The following ADGRV1 variants were observed in gnomAD, a reference collection of about 807,000 sequenced individuals.
The protein encoded by ADGRV1 is G-protein coupled receptor 98.
ADGRV1 carries 359 observed loss-of-function variants against 596.2 expected under a neutral mutation model. The observed-to-expected ratio is 0.60, with a 90% CI of 0.55 to 0.66. ADGRV1 has a LOEUF of 0.66. Among genes scored for constraint, ADGRV1 ranks in the 30% least tolerant of loss-of-function variants. The probability of loss-of-function intolerance (pLI) is 0.00; values close to 1 mark genes in which losing one functional copy is unlikely to be tolerated. For missense variants in ADGRV1, 7,274 were observed against 7,575.6 expected (o/e 0.96, Z 1.48); for synonymous variants, 2,681 against 2,679.2 (o/e 1.00, Z -0.02).
intron 1 of ADGRV1, among the ~76,000 whole-genome samples, chr5:90,610,817 G>A (rs1762645406): frequency 1.3e-5 from 2 of 151,954 alleles, no homozygotes; most frequent in Non-Finnish European, 2.9e-5. Flanking sequence ...AAAACTCTAG[G>A]ATAAAGCTGG....
In ADGRV1 at chr5:90,951,163, C is replaced by T. The variant is rs544299513; in HGVS notation, c.17857-14252C>T. Among the ~76,000 whole-genome samples, 20 of 151,314 alleles carry T rather than the reference C, an allele frequency of 1.3e-4. No homozygotes were observed. In the South Asian group the frequency reaches 3.3e-3, roughly 25 times the overall value. On this transcript the variant is annotated intron_variant, in intron 83 of 89. Coordinates refer to ENST00000405460, the MANE Select transcript of ADGRV1 (RefSeq NM_032119.4). ...GAAACATTTCATTGCTCTGTAATGT[C>T]GTCCGTATAGCCCACCTCAGTGCTA...
intron 86 of ADGRV1, among the ~76,000 whole-genome samples, chr5:91,081,878 G>C (rs944222942): frequency 3.3e-5 from 5 of 152,174 alleles, no homozygotes; most frequent in African/African-American, 1.2e-4. Context: ...TACTTAACTA[G>C]TGCTGCCACC....
At chr5:90,781,109 G>T (rs971887275) in intron 64 of ADGRV1, 5 of 369,744 alleles carry the variant, frequency 1.4e-5, no homozygotes, top group Middle Eastern at 8.9e-4. Context: ...ATTCAGCCGT[G>T]ATTCCCAAAG....
chr5:90,561,361 C>T lies in ADGRV1; in HGVS notation c.22+2444C>T, dbSNP rs538326642. Among the ~76,000 whole-genome samples the T allele has an allele frequency of 1.0e-3, 154 of 152,220 alleles. 1 individual carries two copies. Among genetic ancestry groups the T allele is most frequent in the Non-Finnish European group, 1.8e-3 (119 of 67,982 alleles). ...AAAGAGACCTAGAACAGTTAAGAGACGCACTTAAGGCCACATATTTTAGTC... is the reference window on the plus strand; with the variant it reads ...AAAGAGACCTAGAACAGTTAAGAGATGCACTTAAGGCCACATATTTTAGTC... On this transcript the variant is annotated intron_variant, in intron 1 of 89. Coordinates refer to ENST00000405460, the MANE Select transcript of ADGRV1 (RefSeq NM_032119.4).
chr5:90,701,617 TATC>T (rs1192787837), intron 34 of ADGRV1, among the ~76,000 whole-genome samples: 3 of 152,022 alleles, frequency 2.0e-5, no homozygotes, highest in Admixed American at 6.6e-5. Flanking sequence ...TGTGTGTGTG[TATC>T]ATACTTCAAA....
intron 11 of ADGRV1, among the ~76,000 whole-genome samples, chr5:90,641,592 T>C (rs1766977188): frequency 6.6e-6 from 1 of 152,196 alleles, no homozygotes; most frequent in African/African-American, 2.4e-5. Context: ...TTTAGACTAT[T>C]CTGTGGCCAC....
chr5:90,690,883 C>G lies in ADGRV1; in HGVS notation c.6793C>G (p.Leu2265Val). 3 of 1,613,400 alleles carry G rather than the reference C, an allele frequency of 1.9e-6. No homozygotes were observed. The highest frequency in any genetic ancestry group is 1.7e-6 in the Non-Finnish European group (2 of 1,179,586). ...NLPIIRNSGT[L>V]GNVTVQWVAT... ...GCCAATAATTCGAAATTCTGGGACA[C>G]TCGGCAATGTTACTGTTCAGTGGGT... Residue 2265 changes from leucine (L) to valine (V), a missense_variant, in exon 31 of 90, where the codon CTC becomes GTC. Around this residue, in one of 5 missense-constraint regions of ADGRV1, gnomAD observed 3,643 missense variants for 3,809.2 expected, o/e 0.96. Transcript: ENST00000405460.
intron 60 of ADGRV1, 24 bp from the exon 61 acceptor site, chr5:90,776,429 T>C: frequency 6.3e-7 from 1 of 1,595,708 alleles, no homozygotes; most frequent in East Asian, 2.3e-5. Context: ...TGCTACAAAG[T>C]GGTCTATATC....
chr5:91,008,947 A>C (rs1304998207), intron 85 of ADGRV1, among the ~76,000 whole-genome samples: 2 of 152,190 alleles, frequency 1.3e-5, no homozygotes, highest in Non-Finnish European at 2.9e-5. Flanking sequence ...ACAAATCACA[A>C]CAGACATTTT....
intron 85 of ADGRV1, among the ~76,000 whole-genome samples, chr5:91,035,861 T>TATATTATATATA: frequency 2.1e-5 from 2 of 96,402 alleles, no homozygotes; most frequent in African/African-American, 7.6e-5. Flanking sequence ...TATATATATA[T>TATATTATATATA]TATATATATA....
chr5:90,954,309 G>A (rs16869260), intron 83 of ADGRV1, among the ~76,000 whole-genome samples: 1,680 of 151,850 alleles, frequency 0.011, 33 homozygotes, highest in African/African-American at 0.038. Context: ...TGTTGGATCT[G>A]TATGGGTTAG....
In ADGRV1 at chr5:90,617,976, T is replaced by C. The variant is rs776800583; in HGVS notation, c.357+23T>C. On this transcript the variant is annotated intron_variant, in intron 3 of 89. Transcript: ENST00000405460. ...CAGGTAAGTCCGTGTTTCCTCCTTA[T>C]AAAAATTATAAGGAGGACTTATAAA... The C allele has an allele frequency of 1.8e-5, 27 of 1,510,390 alleles. No homozygotes were observed. In the Admixed American group the frequency reaches 5.9e-4, roughly 33 times the overall value. 93.6% of individuals were successfully genotyped at this position (1,510,390 alleles called of 1,614,324 possible). A position where few individuals can be genotyped will look rare whatever the true frequency, so the allele number is the denominator to read the frequency against.
At chr5:90,634,541 C>G (rs970546713) in intron 9 of ADGRV1, among the ~76,000 whole-genome samples, 6 of 152,084 alleles carry the variant, frequency 3.9e-5, no homozygotes, top group Non-Finnish European at 5.9e-5. Flanking sequence ...TCTGAGTAGT[C>G]TTCTGATACT....
intron 50 of ADGRV1, 110 bp downstream of exon 50, chr5:90,729,874 T>C: frequency 8.7e-7 from 1 of 1,150,638 alleles, no homozygotes; most frequent in Non-Finnish European, 1.2e-6. Context: ...CTGGGTATTT[T>C]TTTTTTTTTG....
At chr5:91,116,501 A>G (rs1395222562) in intron 87 of ADGRV1, among the ~76,000 whole-genome samples, 1 of 152,334 alleles carries the variant, frequency 6.6e-6, no homozygotes, top group East Asian at 1.9e-4. Flanking sequence ...TATGTGTTTC[A>G]TGTAAGATTA....
intron 85 of ADGRV1, among the ~76,000 whole-genome samples, chr5:91,053,444 A>C (rs934549929): frequency 6.6e-6 from 1 of 152,206 alleles, no homozygotes; most frequent in Non-Finnish European, 1.5e-5. Context: ...CCCCAGAGAA[A>C]CAAAGATTAA....
intron 87 of ADGRV1, among the ~76,000 whole-genome samples, chr5:91,127,626 C>A (rs1793880075): frequency 6.6e-6 from 1 of 151,542 alleles, no homozygotes; most frequent in African/African-American, 2.4e-5. Context: ...AGACATATTT[C>A]TTCAGCTGGA....
intron 5 of ADGRV1, among the ~76,000 whole-genome samples, chr5:90,624,348 G>A (rs1294563647): frequency 6.6e-6 from 1 of 152,166 alleles, no homozygotes; most frequent in African/African-American, 2.4e-5. Context: ...ATAATTGGCT[G>A]TAGAAAGGAT....
chr5:90,834,246 C>T (rs1278516248), intron 77 of ADGRV1, among the ~76,000 whole-genome samples: 1 of 152,112 alleles, frequency 6.6e-6, no homozygotes, highest in East Asian at 1.9e-4. Context: ...GAGTTTTGTA[C>T]ATTCAGATGA....
Sources: allele counts gnomAD v4.1 joint callset (sites outside exome capture counted in the v4.1 genomes callset), GRCh38; gene constraint gnomAD v4.1.1; regional missense constraint gnomAD v4.1.1; transcripts MANE v1.5; gene names NCBI Gene and HGNC (gene_info 2026-07-23, HGNC 2026-07-21).